ARFGEF2: variants seen among roughly 807,000 people sequenced by gnomAD.
ARFGEF2 encodes the protein ARF guanine nucleotide exchange factor 2, also known as brefeldin A-inhibited guanine nucleotide-exchange protein 2.
Under a neutral mutation model 219.9 loss-of-function variants are expected in ARFGEF2, and 74 were observed. The observed-to-expected ratio is 0.34, with a 90% CI of 0.28 to 0.41. The LOEUF is 0.41. Ranked by LOEUF, ARFGEF2 falls within the 10% of genes least tolerant of loss-of-function variation. The pLI is 1.00. For synonymous variants in ARFGEF2, 733 were observed against 799.2 expected (o/e 0.92, Z 1.40); for missense variants, 1,743 against 2,218.3 (o/e 0.79, Z 4.30).
chr20:48,928,497 C>T (rs1403464746), intron 1 of ARFGEF2, among the ~76,000 whole-genome samples: 15 of 136,882 alleles, frequency 1.1e-4, no homozygotes, highest in African/African-American at 1.7e-4. Context: ...CGCGCCCGGC[C>T]GCAATCTTTT....
At position 48,973,061 on chromosome 20, in the gene ARFGEF2, A is replaced by G. The variant is rs910587283; in HGVS notation, c.1526-84A>G. The G allele has an allele frequency of 4.5e-6, 7 of 1,541,972 alleles. No individual in the cohort carries two copies. In the African/African-American group the frequency reaches 6.8e-5, roughly 15 times the overall value. On this transcript the variant is annotated intron_variant, in intron 11 of 38. Transcript: ENST00000371917. The stretch of plus-strand genomic sequence containing the variant: ...CCGGAGTCTGTAGTTCACTGGGGAA[A>G]TTTGTTGGCAAACATCTTGTTTGAT...
chr20:49,012,200 C>G lies in ARFGEF2; in HGVS notation c.3918+116C>G, dbSNP rs2091504073. On this transcript the variant is annotated intron_variant, in intron 28 of 38. Transcript: ENST00000371917. ...ACTCTTTTAGAAATGTGTGTTTGCC[C>G]TAAATTAGGTGTTTATTTCAAAATG... is the stretch of plus-strand genomic sequence containing the variant. The G allele has an allele frequency of 2.2e-6, 3 of 1,367,056 alleles. No individual in the cohort carries two copies. In the South Asian group the frequency reaches 3.7e-5, roughly 17 times the overall value. 84.7% of individuals were successfully genotyped at this position (1,367,056 alleles called of 1,614,324 possible). A position where few individuals can be genotyped will look rare whatever the true frequency, so the allele number is the denominator to read the frequency against.
chr20:49,007,424 G>C (rs753845820), intron 26 of ARFGEF2, among the ~76,000 whole-genome samples: 2 of 151,818 alleles, frequency 1.3e-5, no homozygotes, highest in Non-Finnish European at 2.9e-5. Flanking sequence ...CAAGTAGCTG[G>C]GATTACAGGC....
At chr20:48,984,547 G>C (rs1281167417) in intron 14 of ARFGEF2, among the ~76,000 whole-genome samples, 182 bp from the exon 15 acceptor site, 2 of 152,202 alleles carry the variant, frequency 1.3e-5, no homozygotes, top group Non-Finnish European at 2.9e-5. Flanking sequence ...CTCTGACCAG[G>C]TATAGCTGGG....
intron 12 of ARFGEF2, among the ~76,000 whole-genome samples, chr20:48,974,501 A>G (rs960696933): frequency 2.6e-5 from 4 of 152,174 alleles, no homozygotes; most frequent in African/African-American, 4.8e-5. Context: ...TGAAAATCCA[A>G]ATAACATTGT....
chr20:49,019,100 T>C, intron 34 of ARFGEF2, 102 bp downstream of exon 34: 3 of 978,166 alleles, frequency 3.1e-6, no homozygotes, highest in South Asian at 1.4e-5. Context: ...TCTTCTGCCC[T>C]GTGCCTCAGT....
At chr20:48,942,760 A>G (rs1414186708) in intron 3 of ARFGEF2, among the ~76,000 whole-genome samples, 1 of 152,148 alleles carries the variant, frequency 6.6e-6, no homozygotes, top group Non-Finnish European at 1.5e-5. Flanking sequence ...AAATAGAGAC[A>G]GTTGAATCTG....
rs183734434 is a variant in ARFGEF2, at chr20:48,947,362, T to A, written c.277-3961T>A. Among the ~76,000 whole-genome samples the A allele has an allele frequency of 1.6e-4, 24 of 152,266 alleles. No homozygotes were observed. The East Asian group carries it at 4.6e-3, about 29-fold the overall frequency. ...TTGCAGTGAGCCAGGATTGTGTCACTGCACTCCAGCCTGGGCAACAGAGTG... is the reference window on the plus strand; with the variant it reads ...TTGCAGTGAGCCAGGATTGTGTCACAGCACTCCAGCCTGGGCAACAGAGTG... On this transcript the variant is annotated intron_variant, in intron 3 of 38. Coordinates refer to ENST00000371917, the MANE Select transcript of ARFGEF2 (RefSeq NM_006420.3).
At chr20:49,021,976 C>T (rs1313455046) in intron 34 of ARFGEF2, among the ~76,000 whole-genome samples, 2 of 151,576 alleles carry the variant, frequency 1.3e-5, no homozygotes, top group Non-Finnish European at 2.9e-5. Flanking sequence ...GGCGAAACCC[C>T]ATCTCTCCTA....
At chr20:48,935,947 G>T (rs1322496728) in intron 1 of ARFGEF2, among the ~76,000 whole-genome samples, 31 of 139,162 alleles carry the variant, frequency 2.2e-4, no homozygotes, top group African/African-American at 7.8e-4. Flanking sequence ...CGGGGGGGGG[G>T]GCTGACCCCC....
intron 1 of ARFGEF2, among the ~76,000 whole-genome samples, chr20:48,925,587 G>A (rs1395445961): frequency 6.6e-6 from 1 of 152,136 alleles, no homozygotes; most frequent in African/African-American, 2.4e-5. Flanking sequence ...TGTAATTCCA[G>A]CGCTTTAGGA....
intron 14 of ARFGEF2, among the ~76,000 whole-genome samples, chr20:48,976,990 T>C (rs2091266377): frequency 6.6e-6 from 1 of 152,134 alleles, no homozygotes; most frequent in Non-Finnish European, 1.5e-5. Flanking sequence ...TATGTTGTTT[T>C]CTTATACTTT....
chr20:49,023,253 A>G, intron 35 of ARFGEF2, 72 bp downstream of exon 35: 3 of 1,591,798 alleles, frequency 1.9e-6, no homozygotes, highest in Non-Finnish European at 2.6e-6. Flanking sequence ...GGTGTGCGGA[A>G]GCCAGCTTGT....
At chr20:48,966,271 ACTTTT>A (rs2091186355) in intron 8 of ARFGEF2, among the ~76,000 whole-genome samples, 1 of 152,178 alleles carries the variant, frequency 6.6e-6, no homozygotes, top group Non-Finnish European at 1.5e-5. Context: ...ATTTCTTGCC[ACTTTT>A]CTTCTCTCTC....
chr20:48,923,618 C>T (rs1186509668), intron 1 of ARFGEF2, among the ~76,000 whole-genome samples: 4 of 152,238 alleles, frequency 2.6e-5, no homozygotes, highest in South Asian at 4.1e-4. Context: ...ATAAGCACTG[C>T]AAAGCAGTTT....
intron 27 of ARFGEF2, among the ~76,000 whole-genome samples, chr20:49,011,695 T>C (rs1444074060): frequency 6.6e-6 from 1 of 152,236 alleles, no homozygotes; most frequent in Admixed American, 6.5e-5. Flanking sequence ...TTTACATCAT[T>C]GCTTGAGCGC....
chr20:48,935,369 G>A (rs1023734926), intron 1 of ARFGEF2, among the ~76,000 whole-genome samples: 3 of 152,076 alleles, frequency 2.0e-5, no homozygotes, highest in Admixed American at 6.6e-5. Flanking sequence ...ATTCAACCCT[G>A]AGTGGATACA....
At chr20:48,974,986 G>A (rs1380604189) in intron 13 of ARFGEF2, 112 bp downstream of exon 13, 14 of 861,668 alleles carry the variant, frequency 1.6e-5, no homozygotes, top group Non-Finnish European at 2.3e-5. Context: ...TTTTTAGTTT[G>A]CTAAATACCT....
chr20:48,923,869 G>A (rs1426107627), intron 1 of ARFGEF2, among the ~76,000 whole-genome samples: 2 of 152,078 alleles, frequency 1.3e-5, no homozygotes, highest in South Asian at 2.1e-4. Context: ...AGATATTTTC[G>A]GATCGTATCT....
Sources: gnomAD v4.1 joint callset for allele counts (sites outside exome capture counted in the v4.1 genomes callset) on GRCh38, gnomAD v4.1.1 for gene constraint, MANE v1.5 for transcripts, NCBI Gene and HGNC (gene_info 2026-07-23, HGNC 2026-07-21) for gene names.